Variants in FAM13A observed in about 807,000 individuals in gnomAD.
FAM13A encodes the protein protein FAM13A.
A neutral mutation model predicts 129.6 loss-of-function variants in FAM13A; 76 were observed. That is an observed-to-expected ratio of 0.59 (90% confidence interval 0.49 to 0.71). The LOEUF is 0.71. Ranked by LOEUF, FAM13A falls within the 30% of genes least tolerant of loss-of-function variation. FAM13A has a pLI of 0.00. For synonymous variants in FAM13A, 443 were observed against 449.9 expected (o/e 0.98, Z 0.20); for missense variants, 1,108 against 1,249.3 (o/e 0.89, Z 1.70).
intron 4 of FAM13A, among the ~76,000 whole-genome samples, chr4:88,989,307 A>G (rs534877400): frequency 2.6e-5 from 4 of 152,262 alleles, no homozygotes; most frequent in Admixed American, 2.6e-4. Flanking sequence ...GCATTAGTTT[A>G]AAAACCTGAG....
chr4:88,762,092 A>T (rs1022501313), intron 13 of FAM13A, among the ~76,000 whole-genome samples: 1 of 152,192 alleles, frequency 6.6e-6, no homozygotes, highest in Non-Finnish European at 1.5e-5. Flanking sequence ...ACAGGAAGTG[A>T]GAAAGTGGGC....
chr4:89,051,220 A>C (rs1771549357), intron 1 of FAM13A, among the ~76,000 whole-genome samples: 1 of 152,188 alleles, frequency 6.6e-6, no homozygotes, highest in African/African-American at 2.4e-5. Flanking sequence ...GATCCAAGAC[A>C]CCTACAGATT....
chr4:88,741,295 T>C (rs916932390), intron 19 of FAM13A, among the ~76,000 whole-genome samples: 2 of 152,208 alleles, frequency 1.3e-5, no homozygotes, highest in Non-Finnish European at 2.9e-5. Flanking sequence ...GTTCCCCAAA[T>C]TGAATACTAC....
In FAM13A at chr4:88,803,092, T is replaced by A. The variant is rs547462916; in HGVS notation, c.1049+1919A>T. Among the ~76,000 whole-genome samples, 7 of 152,340 alleles carry A rather than the reference T, an allele frequency of 4.6e-5. No individual in the cohort carries two copies. The East Asian group carries it at 5.8e-4, about 13-fold the overall frequency. On this transcript the variant is annotated intron_variant, in intron 8 of 23. Coordinates refer to ENST00000264344, the MANE Select transcript of FAM13A (RefSeq NM_014883.4). ...CCAGCCCTATCCGCTCCATGGCTGC[T>A]TGTGGCTGGATCTACTTCCGGTGAG... is the stretch of plus-strand genomic sequence containing the variant.
At chr4:88,768,343 A>G (rs1016047501) in intron 11 of FAM13A, 6 of 216,912 alleles carry the variant, frequency 2.8e-5, no homozygotes, top group African/African-American at 4.6e-5. Context: ...TATTATCCAC[A>G]TTGGAAAGCT....
intron 6 of FAM13A, among the ~76,000 whole-genome samples, chr4:88,860,313 A>T (rs1739275279): frequency 6.6e-6 from 1 of 152,236 alleles, no homozygotes. Flanking sequence ...AATGAGCATT[A>T]ACGCCTCAGG....
intron 5 of FAM13A, among the ~76,000 whole-genome samples, chr4:88,913,159 G>C (rs569518697): frequency 0.01 from 1,454 of 143,190 alleles, 10 homozygotes; most frequent in Non-Finnish European, 0.015. Flanking sequence ...AAGAGGAGGA[G>C]GAGGAAGAAG....
At chr4:88,754,538 G>A (rs1361837191) in intron 14 of FAM13A, among the ~76,000 whole-genome samples, 1 of 152,098 alleles carries the variant, frequency 6.6e-6, no homozygotes, top group Non-Finnish European at 1.5e-5. Flanking sequence ...ATTATTTAGA[G>A]CCATTACTCC....
At chr4:88,988,300 A>G (rs1324381013) in intron 4 of FAM13A, among the ~76,000 whole-genome samples, 1 of 152,216 alleles carries the variant, frequency 6.6e-6, no homozygotes, top group Non-Finnish European at 1.5e-5. Flanking sequence ...ACAACCAAGT[A>G]GAATGGATGA....
At position 88,726,013 on chromosome 4, in the gene FAM13A, CTT is replaced by C. The variant is rs1341501427; in HGVS notation, c.*2518_*2519del. 1 of 152,170 alleles carries C rather than the reference CTT, an allele frequency of 6.6e-6. No homozygotes were observed. The highest frequency in any genetic ancestry group is 1.9e-4 in the East Asian group (1 of 5,202). The allele number at this position is 152,170 out of a possible 1,614,324, so 9.4% of individuals were successfully genotyped here. A position where few individuals can be genotyped will look rare whatever the true frequency, so the allele number is the denominator to read the frequency against. On this transcript the variant is annotated 3_prime_UTR_variant, in exon 24 of 24. Coordinates refer to ENST00000264344, the MANE Select transcript of FAM13A (RefSeq NM_014883.4). ...GTTTACTTACACTTATGAAATAACT[CTT>C]GACATTTATTTTGTTGGCATGTGCT...
intron 2 of FAM13A, among the ~76,000 whole-genome samples, chr4:89,026,463 T>C (rs1405341376): frequency 6.6e-6 from 1 of 152,156 alleles, no homozygotes; most frequent in Non-Finnish European, 1.5e-5. Flanking sequence ...AAAAATATAA[T>C]TTTGTCATAA....
rs770456748 is a variant in FAM13A, at chr4:88,787,899, T to C, written c.1125A>G (p.Glu375=). 5 of 1,613,384 alleles carry C rather than the reference T, an allele frequency of 3.1e-6. No homozygotes were observed. Among genetic ancestry groups the C allele is most frequent in the Non-Finnish European group, 4.2e-6 (5 of 1,179,550 alleles). ...AGTTATTAACATCAAAAAGATGTTG[T>C]TCTACAGCTGATCGGATGGTTCTTT... The part of the protein sequence containing the change: ...LLERTIRSAV[E]QHLFDVNNSG... Residue 375 remains glutamate (E), a synonymous_variant, in exon 10 of 24, where the codon GAA becomes GAG. Transcript: ENST00000264344.
At chr4:89,051,715 A>G (rs1771612418) in intron 1 of FAM13A, among the ~76,000 whole-genome samples, 1 of 152,176 alleles carries the variant, frequency 6.6e-6, no homozygotes, top group African/African-American at 2.4e-5. Context: ...TCCAAAATAC[A>G]AAGGTGGGTC....
chr4:88,802,048 C>T (rs1032086554), intron 8 of FAM13A, among the ~76,000 whole-genome samples: 2 of 152,180 alleles, frequency 1.3e-5, no homozygotes, highest in African/African-American at 4.8e-5. Flanking sequence ...AAGAACACCA[C>T]CACCAAGTTG....
chr4:88,898,755 A>G (rs1746765060), intron 6 of FAM13A, among the ~76,000 whole-genome samples: 1 of 151,692 alleles, frequency 6.6e-6, no homozygotes, highest in African/African-American at 2.4e-5. Flanking sequence ...GGCTAATAAT[A>G]AAAAAAATAA....
intron 7 of FAM13A, among the ~76,000 whole-genome samples, chr4:88,825,129 T>C (rs1009370585): frequency 6.6e-6 from 1 of 152,078 alleles, no homozygotes; most frequent in African/African-American, 2.4e-5. Context: ...GAACAGAACC[T>C]GGAATCGGAA....
intron 1 of FAM13A, among the ~76,000 whole-genome samples, chr4:89,051,366 A>G (rs1771572749): frequency 6.6e-6 from 1 of 152,162 alleles, no homozygotes; most frequent in Admixed American, 6.5e-5. Flanking sequence ...AGGGCATCAC[A>G]TTCATGACCT....
intron 4 of FAM13A, among the ~76,000 whole-genome samples, chr4:88,945,977 T>TGG (rs1755684268): frequency 3.5e-5 from 1 of 28,728 alleles, no homozygotes; most frequent in Non-Finnish European, 5.7e-5. Flanking sequence ...TGTGTGTGTG[T>TGG]GTGTGTGTGT....
intron 3 of FAM13A, among the ~76,000 whole-genome samples, chr4:89,000,903 A>C (rs1172969337): frequency 6.6e-6 from 1 of 152,266 alleles, no homozygotes; most frequent in African/African-American, 2.4e-5. Context: ...GAATAGCCTA[A>C]AACATGACAG....
Sources: gnomAD v4.1 joint callset for allele counts (sites outside exome capture counted in the v4.1 genomes callset) on GRCh38, gnomAD v4.1.1 for gene constraint, MANE v1.5 for transcripts, NCBI Gene and HGNC (gene_info 2026-07-23, HGNC 2026-07-21) for gene names.